Variants in CCZ1B observed in about 807,000 individuals in gnomAD.
The protein encoded by CCZ1B is CCZ1B vacuolar protein trafficking and biogenesis associated.
CCZ1B carries 25 observed loss-of-function variants against 58.8 expected under a neutral mutation model. That is an observed-to-expected ratio of 0.43 (90% CI 0.31 to 0.59). The LOEUF is 0.59. CCZ1B is among the 20% of genes least tolerant of loss of function. The probability of loss-of-function intolerance (pLI) is 0.12; values close to 1 mark genes in which losing one functional copy is unlikely to be tolerated. For synonymous variants in CCZ1B, 66 were observed against 173.2 expected, an observed-to-expected ratio of 0.38 and a Z score of 4.86; for missense variants, 180 against 501.5, an observed-to-expected ratio of 0.36 and a Z score of 6.12.
intron 8 of CCZ1B, 86 bp from the exon 9 acceptor site, chr7:6,813,123 G>C (rs1782944382): frequency 5.9e-6 from 6 of 1,025,580 alleles, no homozygotes; most frequent in Non-Finnish European, 7.1e-6. Context: ...TCTACTAATT[G>C]GTTCCATGCC....
intron 10 of CCZ1B, among the ~76,000 whole-genome samples, chr7:6,811,312 C>CA (rs1758476136): frequency 1.3e-5 from 2 of 149,824 alleles, no homozygotes; most frequent in Admixed American, 1.3e-4. Context: ...GCATGGTTTA[C>CA]AAGTCCCGTC....
intron 7 of CCZ1B, among the ~76,000 whole-genome samples, chr7:6,815,461 T>C (rs202050931): frequency 0.033 from 4,377 of 133,914 alleles, 32 homozygotes; most frequent in East Asian, 0.14. Context: ...CTGTGCCTGG[T>C]CTCATCTTTT....
intron 7 of CCZ1B, among the ~76,000 whole-genome samples, chr7:6,816,242 A>G (rs573734346): frequency 6.7e-6 from 1 of 149,344 alleles, no homozygotes; most frequent in East Asian, 1.9e-4. Flanking sequence ...CACTTGGGGA[A>G]GCCAAGGTGA....
intron 9 of CCZ1B, 133 bp downstream of exon 9, chr7:6,812,843 T>C (rs1782939737): frequency 7.9e-6 from 12 of 1,522,876 alleles, no homozygotes; most frequent in Non-Finnish European, 1.1e-5. Context: ...TGAGAATCAC[T>C]TGAGCCCGGG....
chr7:6,819,123 GAAAAAAAAAA>G (rs1173368085), intron 7 of CCZ1B, among the ~76,000 whole-genome samples: 1 of 65,656 alleles, frequency 1.5e-5, no homozygotes, highest in Non-Finnish European at 2.7e-5. Context: ...ATCTCTATAA[GAAAAAAAAAA>G]AAAAAAAAAA....
chr7:6,810,157 G>A (rs1256289553), intron 10 of CCZ1B, among the ~76,000 whole-genome samples: 1 of 149,568 alleles, frequency 6.7e-6, no homozygotes, highest in African/African-American at 2.5e-5. Flanking sequence ...GATTAGAGGC[G>A]TGCGCCACCT....
chr7:6,804,024 G>C (rs1313903829), intron 12 of CCZ1B, among the ~76,000 whole-genome samples: 7 of 149,532 alleles, frequency 4.7e-5, no homozygotes, highest in Non-Finnish European at 1.0e-4. Flanking sequence ...CAGCCTTTTA[G>C]TAACTTCTCA....
intron 10 of CCZ1B, among the ~76,000 whole-genome samples, chr7:6,809,123 G>GGGGT (rs1379033432): frequency 7.9e-6 from 1 of 125,932 alleles, no homozygotes; most frequent in Non-Finnish European, 1.6e-5. Context: ...CACCTCCCGG[G>GGGGT]GGTTTTGGAA....
intron 1 of CCZ1B, 53 bp from the exon 2 acceptor site, chr7:6,824,790 C>CG: frequency 6.7e-7 from 1 of 1,499,570 alleles, no homozygotes; most frequent in Non-Finnish European, 9.0e-7. Context: ...TTCATCTTAG[C>CG]TATTGAAAAC....
intron 12 of CCZ1B, among the ~76,000 whole-genome samples, chr7:6,803,689 C>A (rs531454393): frequency 6.8e-6 from 1 of 146,536 alleles, no homozygotes. Flanking sequence ...ATGGGCCGGG[C>A]GCGGTGGCTC....
chr7:6,819,874 G>A lies in CCZ1B; in HGVS notation c.590C>T (p.Pro197Leu), dbSNP rs781157306. ...LDIFGGISFF[P>L]LDKMTYLKIQ... The stretch of plus-strand genomic sequence containing the variant: ...TTTCAAATAAGTCATTTTATCCAAC[G>A]GGAAGAAGCTGATTCCACCAAAAAT... Residue 197 changes from proline to leucine, a missense_variant, in exon 7 of 15, where the codon CCG becomes CTG. Physicochemically the swap from Pro to Leu is moderately conservative, Grantham distance 98. Transcript: ENST00000316731. 1.1e-5 allele frequency: 17 copies of A among 1,584,284 alleles called. No homozygotes were observed. The highest frequency in any genetic ancestry group is 5.7e-5 in the African/African-American group (4 of 70,312).
chr7:6,824,789 G>C (rs780208542), intron 1 of CCZ1B, 52 bp from the exon 2 acceptor site: 3 of 1,509,568 alleles, frequency 2.0e-6, no homozygotes, highest in Non-Finnish European at 1.8e-6. Context: ...TTTCATCTTA[G>C]CTATTGAAAA....
At position 6,799,209 on chromosome 7, in the gene CCZ1B, G is replaced by A. The variant is rs1782717902; in HGVS notation, c.*15C>T. 4 of 886,474 alleles carry A rather than the reference G, an allele frequency of 4.5e-6. No homozygotes were observed. The highest frequency in any genetic ancestry group is 6.0e-6 in the Non-Finnish European group (4 of 671,812). The allele number at this position is 886,474 out of a possible 1,614,324, so 54.9% of individuals were successfully genotyped here. ...AGAGTGTTTTTTAGATATGCTCTCG[G>A]TGAGCCGTCATCCGTCAATCCAAGA... On this transcript the variant is annotated 3_prime_UTR_variant, in exon 15 of 15. Coordinates refer to ENST00000316731, the MANE Select transcript of CCZ1B (RefSeq NM_198097.5).
intron 9 of CCZ1B, chr7:6,812,393 G>C (rs1466738752): frequency 2.9e-6 from 1 of 342,220 alleles, no homozygotes; most frequent in Non-Finnish European, 5.6e-6. Context: ...AGAGGCTGAG[G>C]CAGGGGAATT....
At chr7:6,823,259 T>C in intron 5 of CCZ1B, 54 bp downstream of exon 5, 1 of 1,598,524 alleles carries the variant, frequency 6.3e-7, no homozygotes, top group Middle Eastern at 1.7e-4. Context: ...CCCTGGAGCC[T>C]AGAGATAGGG....
chr7:6,812,145 C>G lies in CCZ1B; in HGVS notation c.843-82G>C, dbSNP rs1324602825. The G allele has an allele frequency of 4.6e-6, 5 of 1,093,126 alleles. No homozygotes were observed. The African/African-American group carries it at 6.6e-5, about 14-fold the overall frequency. The allele number at this position is 1,093,126 out of a possible 1,614,324, so 67.7% of individuals were successfully genotyped here. A position where few individuals can be genotyped will look rare whatever the true frequency, so the allele number is the denominator to read the frequency against. On this transcript the variant is annotated intron_variant, in intron 9 of 14. Coordinates refer to ENST00000316731, the MANE Select transcript of CCZ1B (RefSeq NM_198097.5). ...CTAGAAACAGAACACACTCCCACTT[C>G]ATACACACCAGTTGCTTTTGATGCC...
rs766822053 is a variant in CCZ1B, at chr7:6,804,931, T to G, written c.1106+7A>C. On this transcript the variant is annotated splice_region_variant and intron_variant, in intron 12 of 14. Coordinates refer to ENST00000316731, the MANE Select transcript of CCZ1B (RefSeq NM_198097.5). Reference sequence around the variant, plus strand: ...GCCTGAAAGTGAACCGAAAGCAAAGTACAAACCCAGACATCCTCTTGTTGA... The same window carrying G: ...GCCTGAAAGTGAACCGAAAGCAAAGGACAAACCCAGACATCCTCTTGTTGA... 3 of 1,410,706 alleles carry G rather than the reference T, an allele frequency of 2.1e-6. 1 individual carries two copies. Among genetic ancestry groups the G allele is most frequent in the Non-Finnish European group, 2.8e-6 (3 of 1,063,548 alleles). 87.4% of individuals were successfully genotyped at this position (1,410,706 alleles called of 1,614,324 possible).
chr7:6,823,511 C>T (rs1473283742), intron 4 of CCZ1B, 151 bp from the exon 5 acceptor site: 4 of 507,566 alleles, frequency 7.9e-6, no homozygotes, highest in Admixed American at 4.7e-5. Context: ...AAAGTGTTTG[C>T]GTTCTTTTTT....
intron 10 of CCZ1B, among the ~76,000 whole-genome samples, chr7:6,810,255 C>A (rs1156816484): frequency 6.7e-6 from 1 of 149,538 alleles, no homozygotes; most frequent in Non-Finnish European, 1.5e-5. Context: ...TCAGGTGATC[C>A]GCCCACCTTG....
Sources: gnomAD v4.1 joint callset for allele counts (sites outside exome capture counted in the v4.1 genomes callset) on GRCh38, gnomAD v4.1.1 for gene constraint, MANE v1.5 for transcripts, NCBI Gene and HGNC (gene_info 2026-07-23, HGNC 2026-07-21) for gene names.